The following MTUS1 variants were observed in gnomAD, a reference collection of about 807,000 sequenced individuals.
The protein encoded by MTUS1 is microtubule-associated tumor suppressor 1.
MTUS1 carries 109 observed loss-of-function variants against 120.8 expected under a neutral mutation model. That is an observed-to-expected ratio of 0.90 (90% CI 0.77 to 1.06). The LOEUF is 1.06. MTUS1 is among the 50% of genes least tolerant of loss of function. The probability of loss-of-function intolerance (pLI) is 0.00; values close to 1 mark genes in which losing one functional copy is unlikely to be tolerated. For synonymous variants in MTUS1, 737 were observed against 550.5 expected, an observed-to-expected ratio of 1.34 and a Z score of -4.74; for missense variants, 2,210 against 1,486.3, an observed-to-expected ratio of 1.49 and a Z score of -8.01.
At chr8:17,708,978 A>G (rs1324903912) in intron 6 of MTUS1, 2 of 152,216 alleles carry the variant, frequency 1.3e-5, no homozygotes, top group South Asian at 4.1e-4. Context: ...TCTAGTAAAA[A>G]TACAAAAAAT....
At chr8:17,684,114 AG>A (rs1300104988) in intron 7 of MTUS1, among the ~76,000 whole-genome samples, 2 of 152,200 alleles carry the variant, frequency 1.3e-5, no homozygotes, top group African/African-American at 2.4e-5. Context: ...AACAGACTCT[AG>A]GGGAAAAAAA....
chr8:17,652,518 ATGG>A (rs1192418558), intron 12 of MTUS1, among the ~76,000 whole-genome samples: 23 of 152,036 alleles, frequency 1.5e-4, no homozygotes, highest in African/African-American at 5.3e-4. Flanking sequence ...GTGACTGCTA[ATGG>A]GTCCAGGGTT....
chr8:17,687,681 A>T (rs1386677539), intron 6 of MTUS1, among the ~76,000 whole-genome samples: 1 of 152,224 alleles, frequency 6.6e-6, no homozygotes. Flanking sequence ...GCTGTGATCC[A>T]GCCTTACTGG....
chr8:17,742,324 T>G (rs2047399624), intron 3 of MTUS1, among the ~76,000 whole-genome samples: 1 of 147,016 alleles, frequency 6.8e-6, no homozygotes, highest in African/African-American at 2.5e-5. Context: ...AGATAGTGTC[T>G]TGCTATGTTG....
At position 17,701,092 on chromosome 8, in the gene MTUS1, G is replaced by A. The variant is rs370597781; in HGVS notation, c.2623+12122C>T. 1.1e-3 allele frequency among the ~76,000 whole-genome samples: 168 copies of A among 152,254 alleles called. 2 individuals carry two copies. Among genetic ancestry groups the A allele is most frequent in the Middle Eastern group, 3.4e-3 (1 of 294 alleles). ...AATGATCATAAAGAATGAGGAAGAA[G>A]ATTAAAATTTAAACCAAGTGACTTG... On this transcript the variant is annotated intron_variant, in intron 6 of 14. Transcript: ENST00000693296.
intron 3 of MTUS1, among the ~76,000 whole-genome samples, chr8:17,742,311 T>TTTTTTTA (rs1554516969): frequency 2.9e-5 from 4 of 139,630 alleles, no homozygotes; most frequent in Non-Finnish European, 6.2e-5. Context: ...TTTTTTTTTT[T>TTTTTTTA]AGAGATAGTG....
intron 6 of MTUS1, among the ~76,000 whole-genome samples, chr8:17,687,635 T>C (rs1205921138): frequency 6.6e-6 from 1 of 152,160 alleles, no homozygotes; most frequent in Non-Finnish European, 1.5e-5. Flanking sequence ...TCTATATCGA[T>C]TCAGATTTAT....
intron 1 of MTUS1, among the ~76,000 whole-genome samples, chr8:17,756,233 C>T (rs2048599115): frequency 6.6e-6 from 1 of 152,150 alleles, no homozygotes; most frequent in African/African-American, 2.4e-5. Flanking sequence ...ATATGCCTCT[C>T]CCCCACTCCC....
intron 1 of MTUS1, among the ~76,000 whole-genome samples, chr8:17,770,029 C>CTTT (rs2049909552): frequency 6.6e-6 from 1 of 151,956 alleles, no homozygotes; most frequent in Non-Finnish European, 1.5e-5. Context: ...GTATATAATA[C>CTTT]ATAATAATTT....
intron 3 of MTUS1, among the ~76,000 whole-genome samples, chr8:17,739,121 C>T (rs138700119): frequency 6.8e-4 from 104 of 152,020 alleles, no homozygotes; most frequent in African/African-American, 2.2e-3. Flanking sequence ...CCGGCCTGGA[C>T]GACAGAGTGA....
chr8:17,657,814 AAAAAGC>A (rs1189862912), intron 8 of MTUS1, among the ~76,000 whole-genome samples: 2 of 150,190 alleles, frequency 1.3e-5, no homozygotes, highest in East Asian at 3.9e-4. Context: ...AAAAAAAAAA[AAAAAGC>A]AATATAAAAT....
chr8:17,769,232 C>T (rs1241605989), intron 1 of MTUS1, among the ~76,000 whole-genome samples: 3 of 131,302 alleles, frequency 2.3e-5, no homozygotes, highest in Non-Finnish European at 3.2e-5. Flanking sequence ...GCTTTTATTC[C>T]TTTTTTTTTT....
intron 7 of MTUS1, among the ~76,000 whole-genome samples, chr8:17,677,484 G>A (rs1813363623): frequency 6.6e-6 from 1 of 152,164 alleles, no homozygotes; most frequent in African/African-American, 2.4e-5. Context: ...AAACTAATGG[G>A]AGGATGAAAG....
intron 1 of MTUS1, among the ~76,000 whole-genome samples, chr8:17,760,909 A>T (rs898034010): frequency 3.3e-5 from 5 of 152,148 alleles, no homozygotes; most frequent in African/African-American, 1.2e-4. Flanking sequence ...GTATAACACC[A>T]GAACAAGGTA....
rs533539282 is a variant in MTUS1 at position 17,646,110 on chromosome 8, T to G, written c.3629A>C (p.Gln1210Pro). ...TTTCGACTCCTTCTCCAGCGACTCT[T>G]GCAGAACAGCCTGCTCCGTGGAAAG... ...RQLSTEQAVLQESLEKESKVN... is the reference protein window; with the variant it reads ...RQLSTEQAVLPESLEKESKVN... Residue 1210 changes from glutamine (Q) to proline (P), a missense_variant, in exon 15 of 15, where the codon CAA (glutamine) becomes CCA (proline). Physicochemically the swap from Gln to Pro is moderately conservative, Grantham distance 76 (BLOSUM62 -1). Transcript: ENST00000693296. The G allele has an allele frequency of 6.2e-7, 1 of 1,612,964 alleles. No homozygotes were observed. The highest frequency in any genetic ancestry group is 2.2e-5 in the East Asian group (1 of 44,850).
chr8:17,654,811 C>G, intron 9 of MTUS1, 145 bp from the exon 10 acceptor site: 1 of 629,526 alleles, frequency 1.6e-6, no homozygotes, highest in Non-Finnish European at 2.8e-6. Context: ...ATACAAAGGT[C>G]AGGGCAGTGG....
intron 6 of MTUS1, among the ~76,000 whole-genome samples, chr8:17,701,862 C>T (rs1218092136): frequency 6.6e-6 from 1 of 152,012 alleles, no homozygotes; most frequent in Non-Finnish European, 1.5e-5. Context: ...ATTTTCTTTT[C>T]AATTTAAATT....
chr8:17,778,003 GAA>G (rs1214025529), intron 1 of MTUS1, among the ~76,000 whole-genome samples: 3 of 152,108 alleles, frequency 2.0e-5, no homozygotes, highest in Non-Finnish European at 4.4e-5. Flanking sequence ...AGCAACACAG[GAA>G]AACAAAAACA....
rs149674582 is a variant in MTUS1, at chr8:17,667,477, C to T, written c.2905+7709G>A. 3.4e-3 allele frequency among the ~76,000 whole-genome samples: 525 copies of T among 152,250 alleles called. 7 individuals are homozygous for T. The highest frequency in any genetic ancestry group is 0.011 in the African/African-American group (444 of 41,538). ...GAATGAATCAACACATTCCATATGG[C>T]GTGAGGCAATGTGAAGTTCATAGAC... is the stretch of plus-strand genomic sequence containing the variant. On this transcript the variant is annotated intron_variant, in intron 8 of 14. Coordinates refer to ENST00000693296, the MANE Select transcript of MTUS1 (RefSeq NM_001363059.2).
Sources: allele counts gnomAD v4.1 joint callset (sites outside exome capture counted in the v4.1 genomes callset), GRCh38; gene constraint gnomAD v4.1.1; transcripts MANE v1.5; gene names NCBI Gene and HGNC (gene_info 2026-07-23, HGNC 2026-07-21).